Variants in FANCD2 observed in about 807,000 individuals in gnomAD.
FANCD2 encodes the protein FA complementation group D2, also known as Fanconi anemia group D2 protein.
Under a neutral mutation model 192.3 loss-of-function variants are expected in FANCD2, and 131 were observed. The observed-to-expected ratio is 0.68, with a 90% confidence interval of 0.59 to 0.79. The LOEUF (loss-of-function observed/expected upper bound fraction) is 0.79. Among genes scored for constraint, FANCD2 ranks in the 30% least tolerant of loss-of-function variants. The probability of loss-of-function intolerance (pLI) is 0.00; values close to 1 mark genes in which losing one functional copy is unlikely to be tolerated. For missense variants in FANCD2, 1,508 were observed against 1,701.6 expected, an observed-to-expected ratio of 0.89 and a Z score of 2.00; for synonymous variants, 524 against 612.5, an observed-to-expected ratio of 0.86 and a Z score of 2.13.
At chr3:10,087,485 T>C (rs956400901) in intron 34 of FANCD2, among the ~76,000 whole-genome samples, 2 of 151,416 alleles carry the variant, frequency 1.3e-5, no homozygotes, top group South Asian at 2.1e-4. Flanking sequence ...GCTGAGTAGA[T>C]AGTTTTCTCT....
chr3:10,085,383 C>CT (rs142081081), intron 32 of FANCD2, among the ~76,000 whole-genome samples: 2 of 149,124 alleles, frequency 1.3e-5, no homozygotes, highest in Non-Finnish European at 3.0e-5. Context: ...ATTCTTTTTT[C>CT]TTTTTTCTTT....
intron 32 of FANCD2, among the ~76,000 whole-genome samples, chr3:10,082,185 T>G (rs1311203251): frequency 6.6e-6 from 1 of 152,220 alleles, no homozygotes; most frequent in East Asian, 1.9e-4. Flanking sequence ...ACCAGTTGCC[T>G]GAACCAGAAA....
Position 10,039,824 on chromosome 3 carries a change from C to A in FANCD2, c.674C>A (p.Ala225Asp). The A allele has an allele frequency of 6.2e-7, 1 of 1,613,912 alleles. No homozygotes were observed. Among genetic ancestry groups the A allele is most frequent in the Non-Finnish European group, 8.5e-7 (1 of 1,180,006 alleles). Residue 225 changes from alanine to aspartate, a missense_variant, in exon 9 of 44, where the codon GCT (alanine) becomes GAT (aspartate). Around this residue, in one of 5 missense-constraint regions of FANCD2, gnomAD observed 435 missense variants for 421.9 expected, o/e 1.03. Coordinates refer to ENST00000675286, the MANE Select transcript of FANCD2 (RefSeq NM_001018115.3). ...LPEILGDSQH[A>D]DVGKELSDLL... ...GAGATCCTAGGGGATTCCCAGCACG[C>A]TGATGTGGGGAAAGAACTCAGGTGG...
At position 10,074,662 on chromosome 3, in the gene FANCD2, A is replaced by G; in HGVS notation, c.2848A>G (p.Met950Val). ...GACGAAGTTCATCTTAGATACTGAA[A>G]TGCACACTGAAGTAAGTGACAGGCT... The part of the protein sequence containing the change: ...LVTKFILDTE[M>V]HTEATEVVQL... Residue 950 changes from methionine (M) to valine (V), a missense_variant, in exon 29 of 44, where the codon ATG becomes GTG. Physicochemically the swap from Met to Val is conservative, Grantham distance 21. Around this residue, in one of 5 missense-constraint regions of FANCD2, gnomAD observed 796 missense variants for 879.4 expected, o/e 0.91. Transcript: ENST00000675286. 6.2e-7 allele frequency: 1 copy of G among 1,613,828 alleles called. No individual in the cohort carries two copies. Among genetic ancestry groups the G allele is most frequent in the Non-Finnish European group, 8.5e-7 (1 of 1,179,868 alleles).
chr3:10,034,604 C>A, intron 4 of FANCD2, 68 bp downstream of exon 4: 1 of 1,501,078 alleles, frequency 6.7e-7, no homozygotes, highest in Non-Finnish European at 9.3e-7. Context: ...TTTAAGGACA[C>A]TGGTATAAAG....
chr3:10,074,292 G>T (rs1693416831), intron 28 of FANCD2, among the ~76,000 whole-genome samples: 1 of 152,130 alleles, frequency 6.6e-6, no homozygotes, highest in Non-Finnish European at 1.5e-5. Context: ...TTGCCTAATA[G>T]ATCATCCCTA....
chr3:10,047,256 C>CT lies in FANCD2; in HGVS notation c.1278+536dup, dbSNP rs1421089461. On this transcript the variant is annotated intron_variant, in intron 15 of 43. Coordinates refer to ENST00000675286, the MANE Select transcript of FANCD2 (RefSeq NM_001018115.3). Reference sequence around the variant, plus strand: ...GGTTGTATTATTTTATCTTGCAGTTCTTTCTGTGTTTATTTCTGCCAATTA... The same window carrying CT: ...GGTTGTATTATTTTATCTTGCAGTTCTTTTCTGTGTTTATTTCTGCCAATTA... Among the ~76,000 whole-genome samples, 2 of 152,286 alleles carry CT rather than the reference C, an allele frequency of 1.3e-5. 1 individual carries two copies. Among genetic ancestry groups the CT allele is most frequent in the East Asian group, 3.8e-4 (2 of 5,208 alleles).
chr3:10,068,633 GA>G lies in FANCD2; in HGVS notation c.2494+1327del, dbSNP rs1204764998. 1.2e-3 allele frequency among the ~76,000 whole-genome samples: 169 copies of G among 137,558 alleles called. 2 individuals are homozygous for G. Among genetic ancestry groups the G allele is most frequent in the Middle Eastern group, 3.6e-3 (1 of 274 alleles). The allele number at this position is 137,558 out of a possible 152,430, so 90.2% of individuals were successfully genotyped here. A position where few individuals can be genotyped will look rare whatever the true frequency, so the allele number is the denominator to read the frequency against. ...ACCAATGACATTCTTCACAGAAATA[GA>G]AAAAAAAAAAGCCTAAAATTTATAT... is the stretch of plus-strand genomic sequence containing the variant. On this transcript the variant is annotated intron_variant, in intron 26 of 43. Coordinates refer to ENST00000675286, the MANE Select transcript of FANCD2 (RefSeq NM_001018115.3).
intron 8 of FANCD2, 115 bp downstream of exon 8, chr3:10,039,472 A>T: frequency 3.9e-6 from 4 of 1,016,414 alleles, no homozygotes; most frequent in Non-Finnish European, 5.8e-6. Flanking sequence ...TCCATCCATT[A>T]GCTTTTTCCA....
rs1182912191 is a variant in FANCD2, at chr3:10,043,105, G to A, written c.944G>A (p.Arg315Gln). ...LDLQHCVLPS[R>Q]LQASQVKLKS... The stretch of plus-strand genomic sequence containing the variant: ...CTGCAGCATTGTGTTTTGCCATCAC[G>A]GTTACAGGCTTCCCAAGTAAAGTTG... The change falls in exon 12 of 44, where the codon CGG becomes CAG. Residue 315 changes from arginine to glutamine, a missense_variant. By Grantham distance (43) the Arg-to-Gln change is conservative. Around this residue, in one of 5 missense-constraint regions of FANCD2, gnomAD observed 435 missense variants for 421.9 expected, o/e 1.03. Transcript: ENST00000675286. 1.1e-5 allele frequency: 18 copies of A among 1,613,908 alleles called. No homozygotes were observed. The highest frequency in any genetic ancestry group is 2.2e-5 in the East Asian group (1 of 44,880).
rs17032306 is a variant in FANCD2, at chr3:10,049,715, C to G, written c.1545+210C>G. 0.23 allele frequency among the ~76,000 whole-genome samples: 34,361 copies of G among 152,142 alleles called. 5,017 individuals carry two copies. The highest frequency in any genetic ancestry group is 0.42 in the African/African-American group (17,392 of 41,464). On this transcript the variant is annotated intron_variant, in intron 17 of 43. Coordinates refer to ENST00000675286, the MANE Select transcript of FANCD2 (RefSeq NM_001018115.3). ...GAATGTAAAGTAGGCCCTTACCTTT[C>G]ATGTTAAAGACTAAGACACATAAGC...
At chr3:10,091,817 G>A (rs1453123900) in intron 37 of FANCD2, among the ~76,000 whole-genome samples, 6 of 152,166 alleles carry the variant, frequency 3.9e-5, no homozygotes, top group East Asian at 3.9e-4. Flanking sequence ...AACTACCACC[G>A]GGTGCAGTGG....
Position 10,042,240 on chromosome 3 carries a change from A to G in FANCD2, c.784-319A>G, listed in dbSNP as rs74584011. On this transcript the variant is annotated intron_variant, in intron 10 of 43. Coordinates refer to ENST00000675286, the MANE Select transcript of FANCD2 (RefSeq NM_001018115.3). ...AGTAAGTTTTGAGTGGAAATCTTCC[A>G]TGTTGTCTGAGTCATACCTGCTTCC... is the stretch of plus-strand genomic sequence containing the variant. Among the ~76,000 whole-genome samples, 460 of 152,226 alleles carry G rather than the reference A, an allele frequency of 3.0e-3. 1 individual carries two copies. Among genetic ancestry groups the G allele is most frequent in the African/African-American group, 0.011 (448 of 41,544 alleles).
At chr3:10,087,508 T>G (rs1694290276) in intron 34 of FANCD2, among the ~76,000 whole-genome samples, 1 of 147,784 alleles carries the variant, frequency 6.8e-6, no homozygotes, top group Admixed American at 6.7e-5. Context: ...GGCTTAAGTT[T>G]AATCATGTTC....
chr3:10,054,180 C>A (rs2087304068), intron 18 of FANCD2, among the ~76,000 whole-genome samples: 1 of 150,666 alleles, frequency 6.6e-6, no homozygotes, highest in African/African-American at 2.4e-5. Context: ...CCACTGCACT[C>A]CAGCCAGGGC....
Position 10,042,597 on chromosome 3 carries a change from A to T in FANCD2, c.822A>T (p.Arg274Ser). ...TGATGGATAAGTTGTCGTCTATTAG[A>T]TTGGAGGATTTACCTGTGATAATAA... is the stretch of plus-strand genomic sequence containing the variant. ...QLVMDKLSSIRLEDLPVIIKF... is the reference protein window; with the variant it reads ...QLVMDKLSSISLEDLPVIIKF... Residue 274 changes from arginine (R) to serine (S), a missense_variant, in exon 11 of 44, where the codon AGA becomes AGT. Physicochemically the swap from Arg to Ser is moderately radical, Grantham distance 110. Coordinates refer to ENST00000675286, the MANE Select transcript of FANCD2 (RefSeq NM_001018115.3). 1.9e-6 allele frequency: 3 copies of T among 1,614,054 alleles called. No individual in the cohort carries two copies. Among genetic ancestry groups the T allele is most frequent in the Non-Finnish European group, 2.5e-6 (3 of 1,179,986 alleles).
Position 10,094,374 on chromosome 3 carries a change from A to G in FANCD2, c.3963+11A>G, listed in dbSNP as rs945877549. 6 of 1,609,460 alleles carry G rather than the reference A, an allele frequency of 3.7e-6. No individual in the cohort carries two copies. The highest frequency in any genetic ancestry group is 5.1e-6 in the Non-Finnish European group (6 of 1,175,958). Reference sequence around the variant, plus strand: ...TTTAGAAAACACCGGGTAAGAGCTAAGAGCAGAGAACAAAGATATGCACTG... The same window carrying G: ...TTTAGAAAACACCGGGTAAGAGCTAGGAGCAGAGAACAAAGATATGCACTG... On this transcript the variant is annotated intron_variant, in intron 40 of 43. Transcript: ENST00000675286.
chr3:10,087,107 T>A, intron 33 of FANCD2, 27 bp from the exon 34 acceptor site: 1 of 1,613,212 alleles, frequency 6.2e-7, no homozygotes. Flanking sequence ...ACTATTGCAT[T>A]TGTTTGTTTT....
At position 10,098,797 on chromosome 3, in the gene FANCD2, C is replaced by T. The variant is rs1695131715; in HGVS notation, c.4263C>T (p.Ser1421=). The T allele has an allele frequency of 6.2e-7, 1 of 1,614,052 alleles. No homozygotes were observed. The highest frequency in any genetic ancestry group is 8.5e-7 in the Non-Finnish European group (1 of 1,180,034). Residue 1421 remains serine (S), a synonymous_variant, in exon 43 of 44, where the codon TCC becomes TCT. Transcript: ENST00000675286. ...ESEDDMSSQA[S]KSKATEDGEE... Reference sequence around the variant, plus strand: ...AGGATGACATGTCATCCCAGGCCTCCAAGAGCAAAGCCACTGAGGTATCTC... The same window carrying T: ...AGGATGACATGTCATCCCAGGCCTCTAAGAGCAAAGCCACTGAGGTATCTC...
Sources: allele counts gnomAD v4.1 joint callset (sites outside exome capture counted in the v4.1 genomes callset), GRCh38; gene constraint gnomAD v4.1.1; regional missense constraint gnomAD v4.1.1; transcripts MANE v1.5; gene names NCBI Gene and HGNC (gene_info 2026-07-23, HGNC 2026-07-21).